Variants in FGF13 observed in about 807,000 individuals in gnomAD.
FGF13 encodes the protein fibroblast growth factor homologous factor 2.
In FGF13, 2 loss-of-function variants were observed where a neutral mutation model predicts 19.5. The ratio of observed to expected loss-of-function variants is 0.10; its 90% CI spans 0.04 to 0.32. The LOEUF is 0.32. FGF13 is among the 10% of genes least tolerant of loss of function. The pLI is 1.00. For missense variants in FGF13, 113 were observed against 192.7 expected (o/e 0.59, Z 2.45); for synonymous variants, 72 against 76.9 (o/e 0.94, Z 0.33).
chrX:138,889,799 C>T (rs891088095), intron 1 of FGF13, among the ~76,000 whole-genome samples: 5 of 111,743 alleles, frequency 4.5e-5, no homozygotes, highest in African/African-American at 1.6e-4. Context: ...GAAAAGGAAG[C>T]AATAAGCACT....
intron 1 of FGF13, among the ~76,000 whole-genome samples, chrX:139,072,582 A>T (rs754256804): frequency 8.9e-6 from 1 of 112,023 alleles, no homozygotes; most frequent in African/African-American, 3.2e-5. Context: ...ATTGTTGCTG[A>T]TATCAGGTCC....
At chrX:139,105,090 T>C (rs1474582187) in intron 1 of FGF13, among the ~76,000 whole-genome samples, 1 of 111,243 alleles carries the variant, frequency 9.0e-6, no homozygotes. Context: ...ACACTGGTTT[T>C]CAGTAGGACA....
intron 1 of FGF13, among the ~76,000 whole-genome samples, chrX:138,903,570 T>C (rs565443959): frequency 9.0e-6 from 1 of 111,602 alleles, no homozygotes; most frequent in South Asian, 3.8e-4. Context: ...ACTACCATTA[T>C]ATTTGAGACA....
At chrX:138,793,129 G>C (rs140131209) in intron 3 of FGF13, among the ~76,000 whole-genome samples, 7,367 of 111,101 alleles carry the variant, frequency 0.066, 256 homozygotes, top group Middle Eastern at 0.14. Flanking sequence ...ACCAATGCCT[G>C]GGGCCACTAT....
At chrX:138,928,561 C>T (rs2091685370) in intron 1 of FGF13, among the ~76,000 whole-genome samples, 1 of 110,927 alleles carries the variant, frequency 9.0e-6, no homozygotes, top group African/African-American at 3.3e-5. Flanking sequence ...GGTGCCCTCA[C>T]ATCCCAGGAA....
At chrX:139,024,714 A>G (rs983725556) in intron 1 of FGF13, among the ~76,000 whole-genome samples, 2 of 111,364 alleles carry the variant, frequency 1.8e-5, no homozygotes, top group Non-Finnish European at 3.8e-5. Context: ...CTCTGATGAC[A>G]CTGCTTTCCC....
chrX:138,966,780 T>C (rs1030132275), intron 1 of FGF13, among the ~76,000 whole-genome samples: 1 of 111,269 alleles, frequency 9.0e-6, no homozygotes, highest in Non-Finnish European at 1.9e-5. Flanking sequence ...GGTTTGGCTC[T>C]GTGCTCCCAC....
intron 1 of FGF13, among the ~76,000 whole-genome samples, chrX:138,926,981 A>G (rs1248101927): frequency 9.0e-6 from 1 of 111,376 alleles, no homozygotes; most frequent in African/African-American, 3.3e-5. Flanking sequence ...AAACAAAAAT[A>G]CAACAACTAA....
intron 3 of FGF13, among the ~76,000 whole-genome samples, chrX:138,810,988 C>A (rs1230429793): frequency 8.9e-6 from 1 of 112,112 alleles, no homozygotes; most frequent in Non-Finnish European, 1.9e-5. Flanking sequence ...CAGTTTTACA[C>A]TGTTGGTGGG....
intron 1 of FGF13, among the ~76,000 whole-genome samples, chrX:138,904,810 C>A (rs980562911): frequency 3.6e-5 from 4 of 111,028 alleles, no homozygotes; most frequent in African/African-American, 1.3e-4. Flanking sequence ...ATCACATGGG[C>A]CTTTTTTCTT....
chrX:138,888,634 T>C (rs1466372699), intron 1 of FGF13, among the ~76,000 whole-genome samples: 1 of 109,417 alleles, frequency 9.1e-6, no homozygotes, highest in African/African-American at 3.3e-5. Flanking sequence ...TGTCTTTGCT[T>C]GCTTCCCAAG....
intron 3 of FGF13, among the ~76,000 whole-genome samples, chrX:138,833,605 G>C (rs1377116849): frequency 9.0e-6 from 1 of 111,434 alleles, no homozygotes; most frequent in Non-Finnish European, 1.9e-5. Flanking sequence ...TCTGCTAACA[G>C]GGATAATTTG....
At chrX:139,127,613 TG>T (rs1266959065) in intron 1 of FGF13, among the ~76,000 whole-genome samples, 1 of 111,599 alleles carries the variant, frequency 9.0e-6, no homozygotes, top group Non-Finnish European at 1.9e-5. Flanking sequence ...CATGGCATGC[TG>T]GGGGAAACAG....
intron 1 of FGF13, among the ~76,000 whole-genome samples, chrX:138,961,724 C>T (rs1407034555): frequency 9.0e-6 from 1 of 111,577 alleles, no homozygotes; most frequent in Non-Finnish European, 1.9e-5. Context: ...AAAAACCTGA[C>T]AAAAACAAGA....
chrX:138,736,761 G>A (rs1377149477), intron 1 of FGF13, among the ~76,000 whole-genome samples: 2 of 110,245 alleles, frequency 1.8e-5, no homozygotes, highest in Admixed American at 9.7e-5. Flanking sequence ...TTCCCCGAGA[G>A]AAGAAAATCT....
chrX:138,830,687 TTGTGTGTG>T (rs144759178), intron 3 of FGF13, among the ~76,000 whole-genome samples: 1,341 of 87,484 alleles, frequency 0.015, 10 homozygotes, highest in Non-Finnish European at 0.019. Flanking sequence ...AAAGGGGTGT[TTGTGTGTG>T]TGTGTGTGTG....
intron 1 of FGF13, among the ~76,000 whole-genome samples, chrX:138,989,114 C>A (rs1423536456): frequency 9.0e-6 from 1 of 111,576 alleles, no homozygotes; most frequent in African/African-American, 3.3e-5. Flanking sequence ...TTTTTAATAT[C>A]TGCAACCAGG....
intron 3 of FGF13, among the ~76,000 whole-genome samples, chrX:138,834,589 C>CAA (rs751904671): frequency 0.06 from 5,914 of 98,954 alleles, 451 homozygotes; most frequent in African/African-American, 0.21. Context: ...TATTTTTTTT[C>CAA]AAAAAAAAAA....
chrX:139,109,591 C>A (rs180756113), intron 1 of FGF13, among the ~76,000 whole-genome samples: 1 of 111,467 alleles, frequency 9.0e-6, no homozygotes, highest in Non-Finnish European at 1.9e-5. Context: ...CAGCCACTCA[C>A]CAGCGGAGCG....
Sources: gnomAD v4.1 joint callset for allele counts (sites outside exome capture counted in the v4.1 genomes callset) on GRCh38, gnomAD v4.1.1 for gene constraint, MANE v1.5 for transcripts, NCBI Gene and HGNC (gene_info 2026-07-23, HGNC 2026-07-21) for gene names.